The following C2CD2 variants were observed in gnomAD, a reference collection of about 807,000 sequenced individuals.
The protein encoded by C2CD2 is C2 calcium dependent domain containing 2, also known as C2 domain-containing protein 2.
A neutral mutation model predicts 74.3 loss-of-function variants in C2CD2; 43 were observed. The ratio of observed to expected loss-of-function variants is 0.58; its 90% CI spans 0.45 to 0.75. C2CD2 has a LOEUF of 0.75. Ranked by LOEUF, C2CD2 falls within the 30% of genes least tolerant of loss-of-function variation. C2CD2 has a pLI of 0.00. For synonymous variants in C2CD2, 422 were observed against 390.7 expected, an observed-to-expected ratio of 1.08 and a Z score of -0.94; for missense variants, 801 against 916.3, an observed-to-expected ratio of 0.87 and a Z score of 1.63.
chr21:41,918,077 T>A lies in C2CD2; in HGVS notation c.720+28A>T, dbSNP rs1295866299. The A allele has an allele frequency of 1.9e-6, 3 of 1,613,638 alleles. No individual in the cohort carries two copies. The South Asian group carries it at 3.3e-5, about 18-fold the overall frequency. On this transcript the variant is annotated intron_variant, in intron 5 of 13. Transcript: ENST00000380486. ...GCCATGGTGCCTAACGGGGTTCAGA[T>A]GCACCCACAGCACCCAGATGAGTTT...
chr21:41,887,564 AT>A lies in C2CD2; in HGVS notation c.*1559del, dbSNP rs2064699073. ...TTACTAAAAAAGAAAAAATCCTATAATTTTGGTTTTTATATAGGTTTTTACT... is the reference window on the plus strand; with the variant it reads ...TTACTAAAAAAGAAAAAATCCTATAATTTGGTTTTTATATAGGTTTTTACT... On this transcript the variant is annotated 3_prime_UTR_variant, in exon 14 of 14. Coordinates refer to ENST00000380486, the MANE Select transcript of C2CD2 (RefSeq NM_015500.2). 1 of 151,900 alleles carries A rather than the reference AT, an allele frequency of 6.6e-6. No individual in the cohort carries two copies. Among genetic ancestry groups the A allele is most frequent in the Non-Finnish European group, 1.5e-5 (1 of 68,002 alleles). 9.4% of individuals were successfully genotyped at this position (151,900 alleles called of 1,614,324 possible).
chr21:41,919,294 G>A (rs1490878438), intron 3 of C2CD2, among the ~76,000 whole-genome samples: 3 of 152,144 alleles, frequency 2.0e-5, no homozygotes, highest in African/African-American at 7.2e-5. Context: ...ATGTGTGTAT[G>A]TATGTGTGTA....
rs1264697729 is a variant in C2CD2, at chr21:41,885,131, T to G, written c.*3993A>C. The G allele has an allele frequency of 6.6e-6, 1 of 152,212 alleles. No homozygotes were observed. Among genetic ancestry groups the G allele is most frequent in the Non-Finnish European group, 1.5e-5 (1 of 68,052 alleles). The allele number at this position is 152,212 out of a possible 1,614,324, so 9.4% of individuals were successfully genotyped here. ...TCAGTGTAGTGTTCTGTGTGCACATTTATTTCTTTCAAAGATTGTTTGTGT... is the reference window on the plus strand; with the variant it reads ...TCAGTGTAGTGTTCTGTGTGCACATGTATTTCTTTCAAAGATTGTTTGTGT... On this transcript the variant is annotated 3_prime_UTR_variant, in exon 14 of 14. Coordinates refer to ENST00000380486, the MANE Select transcript of C2CD2 (RefSeq NM_015500.2).
intron 10 of C2CD2, among the ~76,000 whole-genome samples, chr21:41,906,729 T>C (rs1372240750): frequency 6.6e-6 from 1 of 152,216 alleles, no homozygotes; most frequent in Non-Finnish European, 1.5e-5. Context: ...TTACACTATC[T>C]AGATTTTAGC....
intron 12 of C2CD2, 102 bp downstream of exon 12, chr21:41,901,520 G>T: frequency 8.4e-7 from 1 of 1,191,068 alleles, no homozygotes; most frequent in Non-Finnish European, 1.3e-6. Flanking sequence ...GAACTCTCTG[G>T]ACGTTAACCA....
rs889355902 is a variant in C2CD2 at position 41,907,774 on chromosome 21, C to T, written c.1029G>A (p.Ala343=). The T allele has an allele frequency of 1.2e-5, 19 of 1,613,842 alleles. No homozygotes were observed. In the African/African-American group the frequency reaches 1.2e-4, roughly 10 times the overall value. ...EAGRSSEGLL[A]TATVPLDLFK... ...ATAAGTCCAGAGGAACTGTCGCCGT[C>T]GCCAGCAGACCTGAAAAGATAGGAG... is the stretch of plus-strand genomic sequence containing the variant. The change falls in exon 9 of 14, where the codon GCG becomes GCA. Residue 343 remains alanine (A), a synonymous_variant. Coordinates refer to ENST00000380486, the MANE Select transcript of C2CD2 (RefSeq NM_015500.2).
intron 2 of C2CD2, among the ~76,000 whole-genome samples, chr21:41,933,724 G>C (rs1208990448): frequency 6.6e-6 from 1 of 152,190 alleles, no homozygotes; most frequent in Non-Finnish European, 1.5e-5. Context: ...ATAGGATCCA[G>C]GCTGGCAAGA....
intron 5 of C2CD2, 27 bp from the exon 6 acceptor site, chr21:41,914,748 T>C: frequency 6.2e-7 from 1 of 1,606,578 alleles, no homozygotes; most frequent in East Asian, 2.2e-5. Context: ...CACTTTATTT[T>C]TGGTCTTCAT....
rs774180845 is a variant in C2CD2, at chr21:41,899,743, G to A, written c.1561-381C>T. Among the ~76,000 whole-genome samples, 3 of 152,248 alleles carry A rather than the reference G, an allele frequency of 2.0e-5. No individual in the cohort carries two copies. The highest frequency in any genetic ancestry group is 6.5e-5 in the Admixed American group (1 of 15,290). On this transcript the variant is annotated intron_variant, in intron 12 of 13. Coordinates refer to ENST00000380486, the MANE Select transcript of C2CD2 (RefSeq NM_015500.2). The surrounding 1 kb of genome is among the most constrained non-coding windows in gnomAD (Gnocchi z 4.4). The stretch of plus-strand genomic sequence containing the variant: ...CAAAGGAAATGGCCGTGGGTGTTTC[G>A]GGTTTAGCTGTCTTTGTTCCTACAC...
At chr21:41,936,043 T>TG (rs1345179633) in intron 2 of C2CD2, among the ~76,000 whole-genome samples, 1 of 136,312 alleles carries the variant, frequency 7.3e-6, no homozygotes, top group Non-Finnish European at 1.7e-5. Context: ...GATTGGGCAA[T>TG]GATTTTTTTT....
chr21:41,909,967 C>T (rs2156306), intron 7 of C2CD2, among the ~76,000 whole-genome samples: 63,089 of 150,320 alleles, frequency 0.42, 14,023 homozygotes, highest in South Asian at 0.5. Flanking sequence ...CCTCCTCCTT[C>T]GTAACCTATT....
chr21:41,948,426 G>A (rs1304209351), intron 1 of C2CD2, among the ~76,000 whole-genome samples: 1 of 152,226 alleles, frequency 6.6e-6, no homozygotes, highest in African/African-American at 2.4e-5. Flanking sequence ...TGGCTGAAGG[G>A]GAGGATCAGG....
chr21:41,898,859 C>A (rs532057576), intron 13 of C2CD2, among the ~76,000 whole-genome samples, 194 bp downstream of exon 13: 2 of 152,314 alleles, frequency 1.3e-5, no homozygotes, highest in Admixed American at 6.5e-5. Flanking sequence ...AACCCTCCCA[C>A]AGAAGGACCG....
At position 41,929,943 on chromosome 21, in the gene C2CD2, C is replaced by T. The variant is rs116512538; in HGVS notation, c.379-7858G>A. 9.7e-3 allele frequency among the ~76,000 whole-genome samples: 1,477 copies of T among 152,270 alleles called. 29 individuals carry two copies. Among genetic ancestry groups the T allele is most frequent in the African/African-American group, 0.033 (1,352 of 41,550 alleles). On this transcript the variant is annotated intron_variant, in intron 2 of 13. Transcript: ENST00000380486. The surrounding 1 kb of genome is among the most constrained non-coding windows in gnomAD (Gnocchi z 4.6). ...AACAGGCTTCTGCCTTAAGGGTACC[C>T]CTTTGCTTTTGGGGCAGAAAGCAGG...
In C2CD2 at chr21:41,898,314, T is replaced by TGCTCCTCATCTTATGGA. The variant is rs1213469706; in HGVS notation, c.1870+722_1870+738dup. Among the ~76,000 whole-genome samples the TGCTCCTCATCTTATGGA allele has an allele frequency of 2.6e-5, 4 of 152,262 alleles. No homozygotes were observed. The South Asian group carries it at 6.2e-4, about 24-fold the overall frequency. ...GTCAGGTGGGCGCAGGCAGCGGCCATGCTCCTCATCTTATGGAGGAGGATG... is the reference window on the plus strand; with the variant it reads ...GTCAGGTGGGCGCAGGCAGCGGCCATGCTCCTCATCTTATGGAGCTCCTCATCTTATGGAGGAGGATG... On this transcript the variant is annotated intron_variant, in intron 13 of 13. Coordinates refer to ENST00000380486, the MANE Select transcript of C2CD2 (RefSeq NM_015500.2).
chr21:41,950,139 T>TA lies in C2CD2; in HGVS notation c.279+3230dup, dbSNP rs377552960. 6.8e-3 allele frequency among the ~76,000 whole-genome samples: 936 copies of TA among 137,702 alleles called. 9 individuals carry two copies. Among genetic ancestry groups the TA allele is most frequent in the African/African-American group, 0.021 (793 of 37,548 alleles). 90.3% of individuals were successfully genotyped at this position (137,702 alleles called of 152,430 possible). On this transcript the variant is annotated intron_variant, in intron 1 of 13. Coordinates refer to ENST00000380486, the MANE Select transcript of C2CD2 (RefSeq NM_015500.2). The stretch of plus-strand genomic sequence containing the variant: ...TACCCTAGAACTTAAAGTATCATAA[T>TA]AAAAAAAAAAAGGAAAAAAAAGAAA...
rs1422963834 is a variant in C2CD2, at chr21:41,889,156, T to C, written c.2059A>G (p.Met687Val). 1.2e-6 allele frequency: 2 copies of C among 1,612,422 alleles called. No individual in the cohort carries two copies. Among genetic ancestry groups the C allele is most frequent in the East Asian group, 4.5e-5 (2 of 44,888 alleles). The change falls in exon 14 of 14, where the codon ATG becomes GTG. Residue 687 changes from methionine to valine, a missense_variant. Physicochemically the swap from Met to Val is conservative, Grantham distance 21. Transcript: ENST00000380486. ...CAGGGCTCCACGGGGGCACCGTTCA[T>C]GGTGTTCTTGTTTCTGTGCCTGGAG... The part of the protein sequence containing the change: ...LLSRHRNKNT[M>V]NGAPVEPCT
At chr21:41,932,504 C>T (rs915344788) in intron 2 of C2CD2, among the ~76,000 whole-genome samples, 5 of 150,698 alleles carry the variant, frequency 3.3e-5, no homozygotes, top group Admixed American at 3.3e-4. Context: ...AAGTGGGGGC[C>T]GTCTTGCGGG....
chr21:41,890,372 A>G (rs1309598577), intron 13 of C2CD2, among the ~76,000 whole-genome samples: 1 of 152,224 alleles, frequency 6.6e-6, no homozygotes, highest in Admixed American at 6.5e-5. Flanking sequence ...ACGGAATAGA[A>G]AAAAATTAGC....
Sources: gnomAD v4.1 joint callset for allele counts (sites outside exome capture counted in the v4.1 genomes callset) on GRCh38, gnomAD v4.1.1 for gene constraint, Gnocchi (gnomAD v3.1) non-coding constraint, MANE v1.5 for transcripts, NCBI Gene and HGNC (gene_info 2026-07-23, HGNC 2026-07-21) for gene names.